Variants in GRID1 observed in about 807,000 individuals in gnomAD.
GRID1 encodes the protein glutamate receptor ionotropic, delta-1.
Under a neutral mutation model 98.0 loss-of-function variants are expected in GRID1, and 28 were observed. That is an observed-to-expected ratio of 0.29 (90% CI 0.21 to 0.39). GRID1 has a LOEUF of 0.39. Ranked by LOEUF, GRID1 falls within the 10% of genes least tolerant of loss-of-function variation. GRID1 has a pLI of 1.00. For missense variants in GRID1, 1,111 were observed against 1,340.5 expected, an observed-to-expected ratio of 0.83 and a Z score of 2.67; for synonymous variants, 553 against 538.5, an observed-to-expected ratio of 1.03 and a Z score of -0.37.
At chr10:85,675,972 G>T (rs1841140464) in intron 12 of GRID1, among the ~76,000 whole-genome samples, 1 of 152,202 alleles carries the variant, frequency 6.6e-6, no homozygotes, top group Admixed American at 6.5e-5. Flanking sequence ...GAATCCCCAA[G>T]GCCTTTGGCA....
At chr10:86,345,204 G>T (rs567415244) in intron 2 of GRID1, among the ~76,000 whole-genome samples, 2 of 152,290 alleles carry the variant, frequency 1.3e-5, no homozygotes, top group South Asian at 4.1e-4. Flanking sequence ...GAGGGGCCTC[G>T]AGCTGCCATA....
At chr10:86,203,676 A>C (rs1177897209) in intron 3 of GRID1, among the ~76,000 whole-genome samples, 7 of 151,830 alleles carry the variant, frequency 4.6e-5, no homozygotes, top group Non-Finnish European at 1.0e-4. Context: ...GCAAGCCGAG[A>C]GCCAGAAGGG....
intron 4 of GRID1, among the ~76,000 whole-genome samples, chr10:86,085,937 T>C (rs1432877930): frequency 6.6e-6 from 1 of 152,070 alleles, no homozygotes; most frequent in Non-Finnish European, 1.5e-5. Context: ...CTTCAGCCCA[T>C]TCTTTTCTCA....
intron 4 of GRID1, among the ~76,000 whole-genome samples, chr10:86,044,051 T>C (rs559440855): frequency 1.3e-5 from 2 of 152,308 alleles, no homozygotes; most frequent in Admixed American, 6.5e-5. Flanking sequence ...CTGTTTTCAA[T>C]AGTCCACTAA....
intron 15 of GRID1, among the ~76,000 whole-genome samples, chr10:85,607,631 A>G (rs1174075831): frequency 6.6e-6 from 1 of 152,074 alleles, no homozygotes; most frequent in African/African-American, 2.4e-5. Flanking sequence ...AGGGAGGGCA[A>G]TGAGAGCGAA....
At chr10:86,265,217 C>T (rs1253917333) in intron 2 of GRID1, among the ~76,000 whole-genome samples, 1 of 152,146 alleles carries the variant, frequency 6.6e-6, no homozygotes, top group South Asian at 2.1e-4. Context: ...AAATTATCCT[C>T]GTTCACCTCC....
intron 4 of GRID1, among the ~76,000 whole-genome samples, chr10:86,114,534 G>A (rs552009488): frequency 2.1e-4 from 32 of 152,216 alleles, no homozygotes; most frequent in South Asian, 2.1e-4. Context: ...TGGGAGTTGC[G>A]CTCACATCTG....
intron 5 of GRID1, among the ~76,000 whole-genome samples, chr10:85,882,554 T>C (rs898820834): frequency 6.6e-6 from 1 of 151,984 alleles, no homozygotes; most frequent in Non-Finnish European, 1.5e-5. Flanking sequence ...TTCTCACTCA[T>C]AGATGGGAAT....
At chr10:85,852,355 G>A (rs546826205) in intron 8 of GRID1, among the ~76,000 whole-genome samples, 26 of 152,288 alleles carry the variant, frequency 1.7e-4, no homozygotes, top group Middle Eastern at 3.4e-3. Flanking sequence ...GGTTTTTGAG[G>A]CGCATTGCCT....
intron 4 of GRID1, among the ~76,000 whole-genome samples, chr10:85,957,481 T>C (rs1842209951): frequency 6.6e-6 from 1 of 152,078 alleles, no homozygotes; most frequent in South Asian, 2.1e-4. Context: ...AGAAGGCATA[T>C]CTGGCCCCTT....
At chr10:85,777,719 A>G (rs1842345253) in intron 8 of GRID1, among the ~76,000 whole-genome samples, 1 of 152,210 alleles carries the variant, frequency 6.6e-6, no homozygotes, top group Admixed American at 6.5e-5. Context: ...GGATAGGAGG[A>G]TGAACTGACC....
chr10:86,082,433 A>G (rs954770230), intron 4 of GRID1, among the ~76,000 whole-genome samples: 1 of 152,120 alleles, frequency 6.6e-6, no homozygotes, highest in African/African-American at 2.4e-5. Flanking sequence ...GGTTTAAGCA[A>G]AATTGTGGTT....
In GRID1 at chr10:85,599,992, C is replaced by T. The variant is rs1842552312; in HGVS notation, c.*2281G>A. 6.6e-6 allele frequency: 1 copy of T among 150,768 alleles called. No individual in the cohort carries two copies. Among genetic ancestry groups the T allele is most frequent in the Admixed American group, 6.6e-5 (1 of 15,062 alleles). 9.3% of individuals were successfully genotyped at this position (150,768 alleles called of 1,614,324 possible). A position where few individuals can be genotyped will look rare whatever the true frequency, so the allele number is the denominator to read the frequency against. ...ATCCTCCATCTCCCTCTCTTTCCTCCTTGACACTCATTCTAAGCAGAACCA... is the reference window on the plus strand; with the variant it reads ...ATCCTCCATCTCCCTCTCTTTCCTCTTTGACACTCATTCTAAGCAGAACCA... On this transcript the variant is annotated 3_prime_UTR_variant, in exon 16 of 16. Coordinates refer to ENST00000327946, the MANE Select transcript of GRID1 (RefSeq NM_017551.3).
chr10:86,189,496 T>TACAC (rs150873337), intron 3 of GRID1, among the ~76,000 whole-genome samples: 4 of 150,928 alleles, frequency 2.7e-5, no homozygotes, highest in African/African-American at 7.3e-5. Context: ...CCCTACCCTC[T>TACAC]ACACACACAC....
At chr10:85,898,151 T>C (rs1183643763) in intron 5 of GRID1, among the ~76,000 whole-genome samples, 1 of 152,238 alleles carries the variant, frequency 6.6e-6, no homozygotes, top group Non-Finnish European at 1.5e-5. Flanking sequence ...GTACTGACTA[T>C]TGCAGGCAAC....
At chr10:86,146,603 T>C (rs1845092809) in intron 3 of GRID1, among the ~76,000 whole-genome samples, 1 of 152,160 alleles carries the variant, frequency 6.6e-6, no homozygotes, top group Admixed American at 6.5e-5. Flanking sequence ...ACCTCACACC[T>C]CAGCTTCTCA....
intron 4 of GRID1, among the ~76,000 whole-genome samples, chr10:85,952,409 A>G (rs1842137297): frequency 6.6e-6 from 1 of 152,208 alleles, no homozygotes; most frequent in African/African-American, 2.4e-5. Context: ...TAGCAATGCC[A>G]TGTTTTAGAA....
rs1417091623 is a variant in GRID1, at chr10:85,599,826, TGGTGAAGA to T, written c.*2439_*2446del. ...AAATATATATATATATATATAAACATGGTGAAGAATAACACCATGAGGTGTTAAGGATT... is the reference window on the plus strand; with the variant it reads ...AAATATATATATATATATATAAACATATAACACCATGAGGTGTTAAGGATT... On this transcript the variant is annotated 3_prime_UTR_variant, in exon 16 of 16. Coordinates refer to ENST00000327946, the MANE Select transcript of GRID1 (RefSeq NM_017551.3). The T allele has an allele frequency of 8.1e-6, 1 of 122,832 alleles. No individual in the cohort carries two copies. Among genetic ancestry groups the T allele is most frequent in the Non-Finnish European group, 1.6e-5 (1 of 61,472 alleles). The allele number at this position is 122,832 out of a possible 1,614,324, so 7.6% of individuals were successfully genotyped here.
intron 4 of GRID1, among the ~76,000 whole-genome samples, chr10:85,980,610 C>T (rs1842532944): frequency 6.6e-6 from 1 of 152,200 alleles, no homozygotes; most frequent in South Asian, 2.1e-4. Context: ...CTCCTTCTTC[C>T]CTATGGAAAA....
Sources: gnomAD v4.1 joint callset for allele counts (sites outside exome capture counted in the v4.1 genomes callset) on GRCh38, gnomAD v4.1.1 for gene constraint, MANE v1.5 for transcripts, NCBI Gene and HGNC (gene_info 2026-07-23, HGNC 2026-07-21) for gene names.